Variants in SNAP25 observed in about 807,000 individuals in gnomAD.
SNAP25 encodes synaptosomal-associated protein 25.
In SNAP25, 3 loss-of-function variants were observed where a neutral mutation model predicts 28.7. The ratio of observed to expected loss-of-function variants is 0.10; its 90% CI spans 0.05 to 0.27. SNAP25 has a LOEUF of 0.27. Ranked by LOEUF, SNAP25 falls within the 10% of genes least tolerant of loss-of-function variation. The probability of loss-of-function intolerance (pLI) is 1.00; values close to 1 mark genes in which losing one functional copy is unlikely to be tolerated. For synonymous variants in SNAP25, 61 were observed against 88.1 expected, an observed-to-expected ratio of 0.69 and a Z score of 1.72; for missense variants, 117 against 278.7, an observed-to-expected ratio of 0.42 and a Z score of 4.13.
intron 1 of SNAP25, among the ~76,000 whole-genome samples, chr20:10,273,939 A>C (rs2063642724): frequency 6.6e-6 from 1 of 152,040 alleles, no homozygotes; most frequent in Non-Finnish European, 1.5e-5. Flanking sequence ...CCTGTTGCAA[A>C]CCCATGGGCA....
Position 10,293,035 on chromosome 20 carries a change from C to T in SNAP25, c.164-126C>T. 6.9e-7 allele frequency: 1 copy of T among 1,458,234 alleles called. No homozygotes were observed. The highest frequency in any genetic ancestry group is 9.3e-7 in the Non-Finnish European group (1 of 1,069,752). The allele number at this position is 1,458,234 out of a possible 1,614,324, so 90.3% of individuals were successfully genotyped here. A position where few individuals can be genotyped will look rare whatever the true frequency, so the allele number is the denominator to read the frequency against. On this transcript the variant is annotated intron_variant, in intron 4 of 7. Coordinates refer to ENST00000254976, the MANE Select transcript of SNAP25 (RefSeq NM_130811.4). The surrounding 1 kb of genome is among the most constrained non-coding windows in gnomAD (Gnocchi z 5.6). ...GGTACCAGCTCTAATCTGTGGCGTC[C>T]AGTTTTCTTTCTTTTTTTTTTTTTC... is the stretch of plus-strand genomic sequence containing the variant.
rs2064038719 is a variant in SNAP25, at chr20:10,293,325, C to G, written c.281+47C>G. 6.9e-7 allele frequency: 1 copy of G among 1,457,620 alleles called. No homozygotes were observed. 90.3% of individuals were successfully genotyped at this position (1,457,620 alleles called of 1,614,324 possible). ...GAAGCTTTGATTTCCCAAGGCCCAT[C>G]TCCAAGCCTTGACAAGCTCATTCCT... On this transcript the variant is annotated intron_variant, in intron 5 of 7. Coordinates refer to ENST00000254976, the MANE Select transcript of SNAP25 (RefSeq NM_130811.4). This position sits in a 1 kb window ranked among gnomAD's most constrained non-coding sequence, Gnocchi z 5.6.
chr20:10,240,184 A>G (rs371385676), intron 1 of SNAP25, among the ~76,000 whole-genome samples: 60 of 152,148 alleles, frequency 3.9e-4, no homozygotes, highest in African/African-American at 1.3e-3. Flanking sequence ...GCTGGCTGTC[A>G]TCCAGGAATC....
chr20:10,293,232 A>G lies in SNAP25; in HGVS notation c.235A>G (p.Thr79Ala). Residue 79 changes from threonine (T) to alanine (A), a missense_variant, in exon 5 of 8, where the codon ACG becomes GCG. This residue lies in a region of SNAP25 where 88 missense variants were observed against 206.9 expected (regional missense o/e 0.43). Coordinates refer to ENST00000254976, the MANE Select transcript of SNAP25 (RefSeq NM_130811.4). The surrounding 1 kb of genome is among the most constrained non-coding windows in gnomAD (Gnocchi z 5.6). ...KDMKEAEKNL[T>A]DLGKFCGLCV... ...CATGAAAGAAGCAGAAAAGAATTTG[A>G]CGGACCTAGGAAAATTCTGCGGGCT... 6.2e-7 allele frequency: 1 copy of G among 1,614,116 alleles called. No homozygotes were observed. Among genetic ancestry groups the G allele is most frequent in the Non-Finnish European group, 8.5e-7 (1 of 1,179,988 alleles).
At chr20:10,296,694 G>C in intron 5 of SNAP25, 1 of 517,322 alleles carries the variant, frequency 1.9e-6, no homozygotes, top group South Asian at 2.8e-5. Context: ...ACAACCTTGT[G>C]GGCAAAGATT....
chr20:10,301,659 C>T (rs2064239192), intron 7 of SNAP25, among the ~76,000 whole-genome samples: 1 of 151,974 alleles, frequency 6.6e-6, no homozygotes, highest in Non-Finnish European at 1.5e-5. Context: ...ATGACCCCAA[C>T]AGCAACCTTT....
intron 1 of SNAP25, among the ~76,000 whole-genome samples, chr20:10,275,070 T>A (rs116359225): frequency 0.029 from 220 of 7,586 alleles, 1 homozygote; most frequent in Admixed American, 0.11. Flanking sequence ...TAGAGCTATT[T>A]AAATAAATAA....
At chr20:10,305,040 A>G (rs1419312380) in intron 7 of SNAP25, among the ~76,000 whole-genome samples, 3 of 152,322 alleles carry the variant, frequency 2.0e-5, no homozygotes, top group Non-Finnish European at 2.9e-5. Context: ...TATTTGTTTA[A>G]GTCTCATCAA....
intron 4 of SNAP25, among the ~76,000 whole-genome samples, chr20:10,292,245 T>G (rs920150173): frequency 6.6e-6 from 1 of 152,204 alleles, no homozygotes; most frequent in African/African-American, 2.4e-5. Context: ...ATTGCAATGT[T>G]CCAGGACTTA....
intron 1 of SNAP25, among the ~76,000 whole-genome samples, chr20:10,272,506 T>C (rs890757873): frequency 6.6e-6 from 1 of 152,156 alleles, no homozygotes; most frequent in Non-Finnish European, 1.5e-5. Flanking sequence ...AATACTAAAA[T>C]TTCATTTTTG....
chr20:10,265,385 A>G (rs924747616), intron 1 of SNAP25, among the ~76,000 whole-genome samples: 1 of 152,158 alleles, frequency 6.6e-6, no homozygotes, highest in African/African-American at 2.4e-5. Flanking sequence ...CATAAGCTTT[A>G]ATTATTTGCA....
At chr20:10,281,043 G>A (rs761529576) in intron 3 of SNAP25, among the ~76,000 whole-genome samples, 1 of 151,948 alleles carries the variant, frequency 6.6e-6, no homozygotes, top group African/African-American at 2.4e-5. Flanking sequence ...GATTTGAAAC[G>A]TTCTATAAAG....
intron 1 of SNAP25, among the ~76,000 whole-genome samples, chr20:10,249,789 A>G (rs903512003): frequency 6.6e-6 from 1 of 152,156 alleles, no homozygotes; most frequent in Non-Finnish European, 1.5e-5. Context: ...TAGAAGCCCT[A>G]GTCTAACAAG....
At chr20:10,247,199 G>A (rs1255285823) in intron 1 of SNAP25, among the ~76,000 whole-genome samples, 1 of 152,172 alleles carries the variant, frequency 6.6e-6, no homozygotes, top group East Asian at 1.9e-4. Context: ...GCTGCAGAGA[G>A]CACCCTAGTT....
At chr20:10,248,445 G>A (rs2063167986) in intron 1 of SNAP25, among the ~76,000 whole-genome samples, 1 of 152,056 alleles carries the variant, frequency 6.6e-6, no homozygotes, top group Non-Finnish European at 1.5e-5. Context: ...CATGTGCAGA[G>A]GCAATAATTA....
At chr20:10,230,038 A>G (rs945477881) in intron 1 of SNAP25, among the ~76,000 whole-genome samples, 5 of 152,298 alleles carry the variant, frequency 3.3e-5, no homozygotes, top group African/African-American at 9.6e-5. Context: ...GTAGTCAGAC[A>G]GGATAGCTAG....
chr20:10,277,274 A>G (rs552047909), intron 2 of SNAP25, among the ~76,000 whole-genome samples: 1 of 152,320 alleles, frequency 6.6e-6, no homozygotes, highest in African/African-American at 2.4e-5. Flanking sequence ...ACTTGATGTT[A>G]TATTCATCTC....
chr20:10,289,555 T>C (rs2063955207), intron 4 of SNAP25, among the ~76,000 whole-genome samples: 1 of 151,686 alleles, frequency 6.6e-6, no homozygotes, highest in Non-Finnish European at 1.5e-5. Flanking sequence ...TAAAGTCCAT[T>C]CACCAATATC....
intron 2 of SNAP25, among the ~76,000 whole-genome samples, chr20:10,277,069 C>T (rs79010175): frequency 0.012 from 1,846 of 152,300 alleles, 30 homozygotes; most frequent in African/African-American, 0.038. Context: ...AAAGTGACAA[C>T]GCAGTGCCCG....
Sources: gnomAD v4.1 joint callset for allele counts (sites outside exome capture counted in the v4.1 genomes callset) on GRCh38, gnomAD v4.1.1 for gene constraint, gnomAD v4.1.1 regional missense constraint, Gnocchi (gnomAD v3.1) non-coding constraint, MANE v1.5 for transcripts, NCBI Gene and HGNC (gene_info 2026-07-23, HGNC 2026-07-21) for gene names.